OR1C1: variants seen among roughly 807,000 people sequenced by gnomAD.
OR1C1 encodes olfactory receptor family 1 subfamily C member 1.
For synonymous variants in OR1C1, 153 were observed against 154.6 expected (o/e 0.99, Z 0.08); for missense variants, 407 against 384.3 (o/e 1.06, Z -0.49).
rs1661227264 is a variant in OR1C1 at position 247,757,333 on chromosome 1, C to T, written c.*129G>A. The T allele has an allele frequency of 7.4e-6, 5 of 672,472 alleles. No homozygotes were observed. Among genetic ancestry groups the T allele is most frequent in the Non-Finnish European group, 1.3e-5 (5 of 389,712 alleles). 41.7% of individuals were successfully genotyped at this position (672,472 alleles called of 1,614,324 possible). A position where few individuals can be genotyped will look rare whatever the true frequency, so the allele number is the denominator to read the frequency against. On this transcript the variant is annotated 3_prime_UTR_variant, in exon 2 of 2. Coordinates refer to ENST00000641256, the MANE Select transcript of OR1C1 (RefSeq NM_012353.3). ...TTAATGTGATAATTCATATAAAGTG[C>T]TTAACACGATTTCCAGCATAAGGGA...
chr1:247,757,437 T>G lies in OR1C1; in HGVS notation c.*25A>C. On this transcript the variant is annotated 3_prime_UTR_variant, in exon 2 of 2. Coordinates refer to ENST00000641256, the MANE Select transcript of OR1C1 (RefSeq NM_012353.3). ...ACACTTTCTTATCACCACATTAGTA[T>G]TATTTAATTCAGTCACTGAGGTCAT... 6.5e-7 allele frequency: 1 copy of G among 1,549,388 alleles called. No homozygotes were observed.
Position 247,757,705 on chromosome 1 carries a change from C to A in OR1C1, c.702G>T (p.Lys234Asn), listed in dbSNP as rs562923798. The change falls in exon 2 of 2, where the codon AAG becomes AAT. Residue 234 changes from lysine to asparagine, a missense_variant. By Grantham distance (94) the Lys-to-Asn change is moderately conservative (BLOSUM62 0). Coordinates refer to ENST00000641256, the MANE Select transcript of OR1C1 (RefSeq NM_012353.3). ...TVLKITSTQG[K>N]QRAVSTCSCH... ...AGCTGCAGGTGGAAACAGCTCTCTG[C>A]TTGCCCTGAGTAGAGGTGATCTTCA... is the stretch of plus-strand genomic sequence containing the variant. The A allele has an allele frequency of 9.3e-6, 15 of 1,614,060 alleles. No individual in the cohort carries two copies. The Admixed American group carries it at 1.8e-4, about 20-fold the overall frequency.
rs1661182159 is a variant in OR1C1 at position 247,754,876 on chromosome 1, C to G, written c.*2586G>C. The G allele has an allele frequency of 6.6e-6, 1 of 152,006 alleles. No homozygotes were observed. Among genetic ancestry groups the G allele is most frequent in the South Asian group, 2.1e-4 (1 of 4,824 alleles). The allele number at this position is 152,006 out of a possible 1,614,324, so 9.4% of individuals were successfully genotyped here. A position where few individuals can be genotyped will look rare whatever the true frequency, so the allele number is the denominator to read the frequency against. ...TCTGATACCTGTACATTATATTTAT[C>G]AAAACATCCCTGTGTACTCCATAAG... is the stretch of plus-strand genomic sequence containing the variant. On this transcript the variant is annotated 3_prime_UTR_variant, in exon 2 of 2. Coordinates refer to ENST00000641256, the MANE Select transcript of OR1C1 (RefSeq NM_012353.3).
intron 1 of OR1C1, among the ~76,000 whole-genome samples, 189 bp downstream of exon 1, chr1:247,760,223 A>G (rs1040126306): frequency 3.3e-5 from 5 of 152,184 alleles, no homozygotes; most frequent in Admixed American, 6.5e-5. Flanking sequence ...GATATCTTTT[A>G]ATTCTATATT....
chr1:247,758,333 T>A lies in OR1C1; in HGVS notation c.74A>T (p.His25Leu). ...ACAGAGAAAGAGCACAGACAGGAGG[T>A]GCTGCTGCTCTGCTGAGCTAGGAAG... is the stretch of plus-strand genomic sequence containing the variant. The part of the protein sequence containing the change: ...LGLPSSAEQQ[H>L]LLSVLFLCMY... The change falls in exon 2 of 2, where the codon CAC becomes CTC. Residue 25 changes from histidine to leucine, a missense_variant. Coordinates refer to ENST00000641256, the MANE Select transcript of OR1C1 (RefSeq NM_012353.3). 1 of 1,613,704 alleles carries A rather than the reference T, an allele frequency of 6.2e-7. No homozygotes were observed. The highest frequency in any genetic ancestry group is 8.5e-7 in the Non-Finnish European group (1 of 1,179,770).
chr1:247,757,932 G>A lies in OR1C1; in HGVS notation c.475C>T (p.His159Tyr), dbSNP rs377104324. 1.1e-5 allele frequency: 17 copies of A among 1,614,070 alleles called. No individual in the cohort carries two copies. Among genetic ancestry groups the A allele is most frequent in the Non-Finnish European group, 1.4e-5 (17 of 1,179,976 alleles). The part of the protein sequence containing the change: ...WLVTYLHALL[H>Y]TVLIAQLSFC... ...GACAGCTGTGCTATTAGGACAGTAT[G>A]CAGGAGGGCGTGGAGGTAAGTAACA... Residue 159 changes from histidine (H) to tyrosine (Y), a missense_variant, in exon 2 of 2, where the codon CAT becomes TAT. Coordinates refer to ENST00000641256, the MANE Select transcript of OR1C1 (RefSeq NM_012353.3).
At position 247,757,745 on chromosome 1, in the gene OR1C1, A is replaced by G. The variant is rs758659526; in HGVS notation, c.662T>C (p.Ile221Thr). The change falls in exon 2 of 2, where the codon ATC becomes ACC. Residue 221 changes from isoleucine (I) to threonine (T), a missense_variant. By Grantham distance (89) the Ile-to-Thr change is moderately conservative. Coordinates refer to ENST00000641256, the MANE Select transcript of OR1C1 (RefSeq NM_012353.3). ...LVCILVSYGL[I>T]FSTVLKITST... The stretch of plus-strand genomic sequence containing the variant: ...GGTGATCTTCAGAACAGTGGAGAAG[A>G]TAAGTCCATAAGATACGAGGATACA... The G allele has an allele frequency of 2.1e-5, 34 of 1,614,100 alleles. No individual in the cohort carries two copies. The highest frequency in any genetic ancestry group is 4.4e-5 in the South Asian group (4 of 91,078).
chr1:247,757,731 G>C lies in OR1C1; in HGVS notation c.676C>G (p.Leu226Val). The C allele has an allele frequency of 6.2e-7, 1 of 1,614,036 alleles. No homozygotes were observed. Among genetic ancestry groups the C allele is most frequent in the Non-Finnish European group, 8.5e-7 (1 of 1,179,988 alleles). Residue 226 changes from leucine (L) to valine (V), a missense_variant, in exon 2 of 2, where the codon CTG becomes GTG. Physicochemically the swap from Leu to Val is conservative, Grantham distance 32. Transcript: ENST00000641256. ...TTGCCCTGAGTAGAGGTGATCTTCA[G>C]AACAGTGGAGAAGATAAGTCCATAA... ...VSYGLIFSTV[L>V]KITSTQGKQR...
Position 247,758,005 on chromosome 1 carries a change from G to A in OR1C1, c.402C>T (p.Ala134=), listed in dbSNP as rs376092757. The stretch of plus-strand genomic sequence containing the variant: ...GGACACAAAGGCACAGGTTCATTCT[G>A]GCGGTGTAATGTAAGGGGTGGCAAA... ...VAICHPLHYT[A]RMNLCLCVQL... The change falls in exon 2 of 2, where the codon GCC becomes GCT. Residue 134 remains alanine, a synonymous_variant. Transcript: ENST00000641256. The A allele has an allele frequency of 8.1e-6, 13 of 1,614,148 alleles. No individual in the cohort carries two copies. In the African/African-American group the frequency reaches 1.6e-4, roughly 20 times the overall value.
At position 247,757,963 on chromosome 1, in the gene OR1C1, C is replaced by T. The variant is rs925362841; in HGVS notation, c.444G>A (p.Leu148=). The T allele has an allele frequency of 1.2e-5, 19 of 1,614,084 alleles. No individual in the cohort carries two copies. The highest frequency in any genetic ancestry group is 1.5e-5 in the Non-Finnish European group (18 of 1,180,000). The part of the protein sequence containing the change: ...LCLCVQLVAG[L]WLVTYLHALL... ...GGGCGTGGAGGTAAGTAACAAGCCA[C>T]AGTCCAGCCACTAGCTGGACACAAA... is the stretch of plus-strand genomic sequence containing the variant. Residue 148 remains leucine, a synonymous_variant, in exon 2 of 2, where the codon CTG becomes CTA. Transcript: ENST00000641256.
At chr1:247,759,890 G>A (rs1661298993) in intron 1 of OR1C1, among the ~76,000 whole-genome samples, 1 of 152,164 alleles carries the variant, frequency 6.6e-6, no homozygotes, top group East Asian at 1.9e-4. Context: ...GCATGCCTTT[G>A]AGGGAGAAGC....
Position 247,757,851 on chromosome 1 carries a change from G to T in OR1C1, c.556C>A (p.Gln186Lys), listed in dbSNP as rs763494236. 1.4e-5 allele frequency: 22 copies of T among 1,614,056 alleles called. No homozygotes were observed. The Admixed American group carries it at 3.7e-4, about 27-fold the overall frequency. The part of the protein sequence containing the change: ...HFFCDLNPLL[Q>K]LSCSDVSFNV... ...AAGGAGACGTCAGAGCAAGAGAGCTGCAGGAGAGGATTGAGATCACAGAAG... is the reference window on the plus strand; with the variant it reads ...AAGGAGACGTCAGAGCAAGAGAGCTTCAGGAGAGGATTGAGATCACAGAAG... The change falls in exon 2 of 2, where the codon CAG (glutamine) becomes AAG (lysine). Residue 186 changes from glutamine (Q) to lysine (K), a missense_variant. Coordinates refer to ENST00000641256, the MANE Select transcript of OR1C1 (RefSeq NM_012353.3).
chr1:247,758,930 G>A lies in OR1C1; in HGVS notation c.-13-511C>T, dbSNP rs567331272. On this transcript the variant is annotated intron_variant, in intron 1 of 1. Coordinates refer to ENST00000641256, the MANE Select transcript of OR1C1 (RefSeq NM_012353.3). ...CGTATTTGGTCACTGATAACTGCAA[G>A]CTCACCTCTGTTCCTTGGGTTGACC... Among the ~76,000 whole-genome samples, 8 of 152,164 alleles carry A rather than the reference G, an allele frequency of 5.3e-5. No individual in the cohort carries two copies. The East Asian group carries it at 1.5e-3, about 29-fold the overall frequency.
At chr1:247,759,826 A>G (rs1184853143) in intron 1 of OR1C1, among the ~76,000 whole-genome samples, 1 of 152,142 alleles carries the variant, frequency 6.6e-6, no homozygotes, top group Non-Finnish European at 1.5e-5. Flanking sequence ...CTTTTACCCA[A>G]CTTGAAGCAT....
In OR1C1 at chr1:247,757,736, G is replaced by A. The variant is rs1661239916; in HGVS notation, c.671C>T (p.Thr224Ile). 8 of 1,614,116 alleles carry A rather than the reference G, an allele frequency of 5.0e-6. No homozygotes were observed. The highest frequency in any genetic ancestry group is 6.8e-6 in the Non-Finnish European group (8 of 1,180,008). The change falls in exon 2 of 2, where the codon ACT becomes ATT. Residue 224 changes from threonine (T) to isoleucine (I), a missense_variant. Physicochemically the swap from Thr to Ile is moderately conservative, Grantham distance 89. Coordinates refer to ENST00000641256, the MANE Select transcript of OR1C1 (RefSeq NM_012353.3). The part of the protein sequence containing the change: ...ILVSYGLIFS[T>I]VLKITSTQGK... Reference sequence around the variant, plus strand: ...CTGAGTAGAGGTGATCTTCAGAACAGTGGAGAAGATAAGTCCATAAGATAC... The same window carrying A: ...CTGAGTAGAGGTGATCTTCAGAACAATGGAGAAGATAAGTCCATAAGATAC...
At chr1:247,758,479 A>T in intron 1 of OR1C1, 60 bp from the exon 2 acceptor site, 3 of 810,540 alleles carry the variant, frequency 3.7e-6, no homozygotes, top group Non-Finnish European at 5.8e-6. Flanking sequence ...TATTCATGAG[A>T]GAGAGACAGT....
chr1:247,758,130 A>T lies in OR1C1; in HGVS notation c.277T>A (p.Ser93Thr), dbSNP rs768794270. 48 of 1,613,992 alleles carry T rather than the reference A, an allele frequency of 3.0e-5. No individual in the cohort carries two copies. The highest frequency in any genetic ancestry group is 3.8e-5 in the Non-Finnish European group (45 of 1,180,014). ...VNILTGTKTI[S>T]FAGCLTQLFF... Reference sequence around the variant, plus strand: ...AGCTGGGTGAGGCAGCCTGCAAAAGAGATAGTCTTGGTGCCAGTCAAGATA... The same window carrying T: ...AGCTGGGTGAGGCAGCCTGCAAAAGTGATAGTCTTGGTGCCAGTCAAGATA... Residue 93 changes from serine (S) to threonine (T), a missense_variant, in exon 2 of 2, where the codon TCT becomes ACT. Physicochemically the swap from Ser to Thr is moderately conservative, Grantham distance 58. Coordinates refer to ENST00000641256, the MANE Select transcript of OR1C1 (RefSeq NM_012353.3).
Position 247,757,749 on chromosome 1 carries a change from G to A in OR1C1, c.658C>T (p.Leu220Phe), listed in dbSNP as rs142496020. The A allele has an allele frequency of 6.2e-7, 1 of 1,614,066 alleles. No individual in the cohort carries two copies. The highest frequency in any genetic ancestry group is 1.3e-5 in the African/African-American group (1 of 75,016). ...PLVCILVSYGLIFSTVLKITS... is the reference protein window; with the variant it reads ...PLVCILVSYGFIFSTVLKITS... The stretch of plus-strand genomic sequence containing the variant: ...ATCTTCAGAACAGTGGAGAAGATAA[G>A]TCCATAAGATACGAGGATACAGACA... Residue 220 changes from leucine to phenylalanine, a missense_variant, in exon 2 of 2, where the codon CTT becomes TTT. Physicochemically the swap from Leu to Phe is conservative, Grantham distance 22 (BLOSUM62 0). Coordinates refer to ENST00000641256, the MANE Select transcript of OR1C1 (RefSeq NM_012353.3).
In OR1C1 at chr1:247,756,657, A is replaced by G. The variant is rs977777334; in HGVS notation, c.*805T>C. The G allele has an allele frequency of 5.3e-5, 8 of 152,234 alleles. No individual in the cohort carries two copies. The highest frequency in any genetic ancestry group is 3.3e-4 in the Admixed American group (5 of 15,276). 9.4% of individuals were successfully genotyped at this position (152,234 alleles called of 1,614,324 possible). On this transcript the variant is annotated 3_prime_UTR_variant, in exon 2 of 2. Coordinates refer to ENST00000641256, the MANE Select transcript of OR1C1 (RefSeq NM_012353.3). The surrounding 1 kb of genome is among the most constrained non-coding windows in gnomAD (Gnocchi z 4.3). ...CTCAAATATAATTATTTTTGCATAC[A>G]GTATGTTAATTTTTTGTTAGGAAAG...
Sources: allele counts gnomAD v4.1 joint callset (sites outside exome capture counted in the v4.1 genomes callset), GRCh38; gene constraint gnomAD v4.1.1; non-coding constraint Gnocchi (gnomAD v3.1); transcripts MANE v1.5; gene names NCBI Gene and HGNC (gene_info 2026-07-23, HGNC 2026-07-21).